The following MYO10 variants were observed in gnomAD, a reference collection of about 807,000 sequenced individuals.
The protein encoded by MYO10 is myosin X, also known as unconventional myosin-X.
A neutral mutation model predicts 257.3 loss-of-function variants in MYO10; 133 were observed. The ratio of observed to expected loss-of-function variants is 0.52; its 90% CI spans 0.45 to 0.60. The LOEUF is 0.60. Among genes scored for constraint, MYO10 ranks in the 20% least tolerant of loss-of-function variants. The pLI, the probability that MYO10 is intolerant of heterozygous loss-of-function variation, is 0.00. For missense variants in MYO10, 2,399 were observed against 2,635.7 expected (o/e 0.91, Z 1.97); for synonymous variants, 1,104 against 1,028.6 (o/e 1.07, Z -1.40).
chr5:16,933,845 T>C (rs896278358), intron 1 of MYO10, among the ~76,000 whole-genome samples: 1 of 152,174 alleles, frequency 6.6e-6, no homozygotes, highest in Admixed American at 6.5e-5. Flanking sequence ...TGATTAGAAG[T>C]TAATATTGTA....
At position 16,681,966 on chromosome 5, in the gene MYO10, T is replaced by C. The variant is rs143433432; in HGVS notation, c.4094A>G (p.Asn1365Ser). 1.3e-3 allele frequency: 2,068 copies of C among 1,613,878 alleles called. 5 individuals are homozygous for C. In the Middle Eastern group the frequency reaches 0.014, roughly 11 times the overall value. Residue 1365 changes from asparagine (N) to serine (S), a missense_variant, in exon 31 of 41, where the codon AAC (asparagine) becomes AGC (serine). Physicochemically the swap from Asn to Ser is conservative, Grantham distance 46 (BLOSUM62 1). This residue lies in a region of MYO10 where 1,820 missense variants were observed against 1,939.4 expected (regional missense o/e 0.94). Coordinates refer to ENST00000513610, the MANE Select transcript of MYO10 (RefSeq NM_012334.3). ...IITANRVLHCNADTPEEMHHW... is the reference protein window; with the variant it reads ...IITANRVLHCSADTPEEMHHW... ...GTGCATCTCCTCCGGCGTGTCGGCG[T>C]TGCAGTGCAGCACCCGGTTGGCCGT...
At chr5:16,766,358 T>C (rs1225923652) in intron 10 of MYO10, among the ~76,000 whole-genome samples, 160 bp from the exon 11 acceptor site, 1 of 152,224 alleles carries the variant, frequency 6.6e-6, no homozygotes, top group African/African-American at 2.4e-5. Flanking sequence ...AATCCTAGAT[T>C]AGTAGCATAG....
chr5:16,881,369 T>C lies in MYO10; in HGVS notation c.22-3662A>G, dbSNP rs1246653993. On this transcript the variant is annotated intron_variant, in intron 1 of 40. Coordinates refer to ENST00000513610, the MANE Select transcript of MYO10 (RefSeq NM_012334.3). Reference sequence around the variant, plus strand: ...ATCTCACTGTGGGTCTCTTTACCCTTTCGTTTGAAAGTACTACAAAAGCCC... The same window carrying C: ...ATCTCACTGTGGGTCTCTTTACCCTCTCGTTTGAAAGTACTACAAAAGCCC... Among the ~76,000 whole-genome samples the C allele has an allele frequency of 2.6e-5, 4 of 152,316 alleles. No individual in the cohort carries two copies. The East Asian group carries it at 7.7e-4, about 29-fold the overall frequency.
intron 19 of MYO10, among the ~76,000 whole-genome samples, chr5:16,719,023 C>G (rs1264524069): frequency 1.3e-5 from 2 of 152,162 alleles, no homozygotes; most frequent in East Asian, 3.9e-4. Context: ...ATTAGCAACC[C>G]GCTCGGGTCC....
intron 1 of MYO10, among the ~76,000 whole-genome samples, chr5:16,918,630 A>C (rs943715406): frequency 6.7e-6 from 1 of 149,856 alleles, no homozygotes; most frequent in African/African-American, 2.5e-5. Flanking sequence ...AGCCTCCCGA[A>C]TATGGGATCA....
rs922802393 is a variant in MYO10, at chr5:16,670,598, T to C, written c.5811A>G (p.Glu1937=). ...KWRKFQGMNQ[E]QAMAKYMALI... is the part of the protein sequence containing the mutation. ...AGGCCATGTACTTGGCCATGGCCTG[T>C]TCCTGGTTCATTCCCTGAAATTTCC... The change falls in exon 39 of 41, where the codon GAA becomes GAG. Residue 1937 remains glutamate, a synonymous_variant. Transcript: ENST00000513610. The C allele has an allele frequency of 3.7e-6, 6 of 1,613,994 alleles. No homozygotes were observed. Among genetic ancestry groups the C allele is most frequent in the Non-Finnish European group, 5.1e-6 (6 of 1,179,888 alleles).
intron 1 of MYO10, among the ~76,000 whole-genome samples, chr5:16,894,593 T>C (rs899415737): frequency 1.3e-5 from 2 of 152,148 alleles, no homozygotes; most frequent in East Asian, 1.9e-4. Flanking sequence ...AAATGCTTCA[T>C]GGAAAGCAGA....
At chr5:16,870,819 G>C (rs182792973) in intron 2 of MYO10, among the ~76,000 whole-genome samples, 2 of 152,244 alleles carry the variant, frequency 1.3e-5, no homozygotes, top group South Asian at 2.1e-4. Flanking sequence ...TTGAACCCAG[G>C]AGGCGGAGGC....
At chr5:16,767,860 T>C (rs544975746) in intron 10 of MYO10, among the ~76,000 whole-genome samples, 3 of 152,196 alleles carry the variant, frequency 2.0e-5, no homozygotes, top group South Asian at 2.1e-4. Flanking sequence ...GTATTTTTAG[T>C]AGAGACGGGG....
chr5:16,683,754 G>T, intron 30 of MYO10, 126 bp downstream of exon 30: 1 of 867,048 alleles, frequency 1.2e-6, no homozygotes, highest in Non-Finnish European at 1.8e-6. Context: ...GGGTTGACAA[G>T]GTGGGAACAC....
At chr5:16,850,117 G>A (rs909323216) in intron 2 of MYO10, among the ~76,000 whole-genome samples, 4 of 152,164 alleles carry the variant, frequency 2.6e-5, no homozygotes, top group Non-Finnish European at 5.9e-5. Context: ...GGTCTACACT[G>A]ATATCCTTCA....
At chr5:16,713,151 A>G (rs560462171) in intron 19 of MYO10, among the ~76,000 whole-genome samples, 3 of 152,322 alleles carry the variant, frequency 2.0e-5, no homozygotes, top group African/African-American at 7.2e-5. Flanking sequence ...CTTGATGCGC[A>G]AAGACTTTCA....
intron 19 of MYO10, among the ~76,000 whole-genome samples, chr5:16,717,972 CG>C (rs1738948961): frequency 1.3e-5 from 2 of 152,182 alleles, no homozygotes; most frequent in Admixed American, 1.3e-4. Flanking sequence ...GAGCGGGAAC[CG>C]GGGCTGCGTG....
chr5:16,864,984 G>C (rs1310563015), intron 2 of MYO10, among the ~76,000 whole-genome samples: 1 of 152,130 alleles, frequency 6.6e-6, no homozygotes, highest in Non-Finnish European at 1.5e-5. Context: ...TCTGTAGGCT[G>C]GTGTTTAGTG....
intron 2 of MYO10, among the ~76,000 whole-genome samples, chr5:16,857,440 A>C (rs565543897): frequency 6.6e-6 from 1 of 152,350 alleles, no homozygotes; most frequent in Admixed American, 6.5e-5. Flanking sequence ...ATGGATTTCA[A>C]AAAACAAATC....
chr5:16,936,139 G>A lies in MYO10; in HGVS notation c.-331C>T, dbSNP rs1746436902. 5.4e-6 allele frequency: 2 copies of A among 370,360 alleles called. No individual in the cohort carries two copies. The highest frequency in any genetic ancestry group is 4.3e-5 in the African/African-American group (2 of 46,024). 22.9% of individuals were successfully genotyped at this position (370,360 alleles called of 1,614,324 possible). ...AAGGCGGCGGGGTGCTGGCGAGCGC[G>A]GCCCCCTCCCTCTGCGCTCCGGCCG... On this transcript the variant is annotated 5_prime_UTR_variant, in exon 1 of 41. Transcript: ENST00000513610.
At chr5:16,846,620 T>C (rs1743642637) in intron 2 of MYO10, among the ~76,000 whole-genome samples, 1 of 152,198 alleles carries the variant, frequency 6.6e-6, no homozygotes, top group Admixed American at 6.5e-5. Context: ...GCATGTTTGG[T>C]AGCAAAAGGT....
Position 16,849,558 on chromosome 5 carries a change from C to T in MYO10, c.120+28051G>A, listed in dbSNP as rs139597434. ...TTTCCCATATTATGTTAATATGTTA[C>T]CAATATATTTCAGGATCCGATATTC... On this transcript the variant is annotated intron_variant, in intron 2 of 40. Coordinates refer to ENST00000513610, the MANE Select transcript of MYO10 (RefSeq NM_012334.3). Among the ~76,000 whole-genome samples, 1,085 of 152,242 alleles carry T rather than the reference C, an allele frequency of 7.1e-3. 13 individuals carry two copies. The highest frequency in any genetic ancestry group is 1.0e-2 in the Non-Finnish European group (680 of 68,022).
chr5:16,874,849 T>C (rs1378131040), intron 2 of MYO10, among the ~76,000 whole-genome samples: 1 of 152,178 alleles, frequency 6.6e-6, no homozygotes, highest in Admixed American at 6.5e-5. Context: ...ACCAATTTAC[T>C]GTATTAGTCC....
Sources: allele counts gnomAD v4.1 joint callset (sites outside exome capture counted in the v4.1 genomes callset), GRCh38; gene constraint gnomAD v4.1.1; regional missense constraint gnomAD v4.1.1; transcripts MANE v1.5; gene names NCBI Gene and HGNC (gene_info 2026-07-23, HGNC 2026-07-21).